ANO1: variants seen among roughly 807,000 people sequenced by gnomAD.
ANO1 encodes anoctamin-1.
In ANO1, 59 loss-of-function variants were observed where a neutral mutation model predicts 124.0. That is an observed-to-expected ratio of 0.48 (90% confidence interval 0.39 to 0.59). The LOEUF is 0.59. ANO1 is among the 20% of genes least tolerant of loss of function. The pLI is 0.00. For synonymous variants in ANO1, 529 were observed against 532.0 expected (o/e 0.99, Z 0.08); for missense variants, 1,059 against 1,328.0 (o/e 0.80, Z 3.15).
the ANO1 span, among the ~76,000 whole-genome samples, chr11:69,968,203 C>A: frequency 6.6e-6 from 1 of 152,160 alleles, no homozygotes; most frequent in Non-Finnish European, 1.5e-5. Flanking sequence ...ACGTCCTCTC[C>A]TGTAGTACAA....
At chr11:70,163,503 G>A in intron 19 of ANO1, 163 bp downstream of exon 19, 1 of 824,380 alleles carries the variant, frequency 1.2e-6, no homozygotes, top group Non-Finnish European at 2.0e-6. Context: ...ATGTGGTGGG[G>A]TGGGCTTTAA....
At chr11:70,025,749 ATGG>A (rs1212816139) in intron 1 of ANO1, among the ~76,000 whole-genome samples, 5 of 136,728 alleles carry the variant, frequency 3.7e-5, no homozygotes, top group Non-Finnish European at 6.3e-5. Flanking sequence ...GATGATGATG[ATGG>A]TGGTGGTGGT....
intron 1 of ANO1, among the ~76,000 whole-genome samples, chr11:70,042,569 G>A (rs979536797): frequency 6.6e-6 from 1 of 151,946 alleles, no homozygotes; most frequent in Non-Finnish European, 1.5e-5. Flanking sequence ...GAGAGAGAGA[G>A]AAATCTGCAG....
intron 3 of ANO1, among the ~76,000 whole-genome samples, chr11:70,103,640 G>A (rs1020379752): frequency 1.6e-4 from 25 of 152,216 alleles, no homozygotes; most frequent in Non-Finnish European, 2.8e-4. Flanking sequence ...AGCTTAGCTT[G>A]GAGTCGGTAT....
At chr11:69,975,310 T>C in the ANO1 span, among the ~76,000 whole-genome samples, 3 of 152,292 alleles carry the variant, frequency 2.0e-5, no homozygotes, top group South Asian at 6.2e-4. Flanking sequence ...ATCCCCCAGA[T>C]GGAAGGAGAG....
chr11:70,103,887 A>G (rs1249128905), intron 3 of ANO1, 112 bp from the exon 4 acceptor site: 1 of 1,225,358 alleles, frequency 8.2e-7, no homozygotes, highest in Non-Finnish European at 1.1e-6. Flanking sequence ...CTCTGCTCTC[A>G]GGACGCCCCG....
chr11:70,084,976 T>C (rs1295865659), intron 1 of ANO1, among the ~76,000 whole-genome samples: 1 of 152,084 alleles, frequency 6.6e-6, no homozygotes, highest in East Asian at 1.9e-4. Flanking sequence ...TAGGGTCAGC[T>C]TGTGGGGACT....
intron 11 of ANO1, among the ~76,000 whole-genome samples, chr11:70,144,646 C>T (rs1208991549): frequency 2.0e-5 from 3 of 152,266 alleles, no homozygotes; most frequent in African/African-American, 4.8e-5. Flanking sequence ...GCTTCTCGCT[C>T]GCTGCCACCC....
chr11:70,072,599 C>T (rs1555009469), intron 1 of ANO1: 1 of 152,306 alleles, frequency 6.6e-6, no homozygotes, highest in African/African-American at 2.4e-5. Context: ...GGATTCGCCC[C>T]AGAGTCAGAG....
intron 3 of ANO1, among the ~76,000 whole-genome samples, chr11:70,103,694 T>C (rs577579178): frequency 1.1e-4 from 17 of 152,298 alleles, no homozygotes; most frequent in African/African-American, 4.1e-4. Flanking sequence ...AGGTAGTAAA[T>C]CAGCCTCCTG....
chr11:70,180,109 G>A, intron 23 of ANO1, 53 bp downstream of exon 23: 2 of 1,540,082 alleles, frequency 1.3e-6, no homozygotes, highest in South Asian at 2.2e-5. Flanking sequence ...GAACTGCCAG[G>A]TGGCCGGGGC....
chr11:69,990,138 C>T (rs1175228546), intron 1 of ANO1, among the ~76,000 whole-genome samples: 2 of 152,114 alleles, frequency 1.3e-5, no homozygotes. Context: ...ACAGTCACTT[C>T]CCATTCCCCA....
chr11:70,047,462 T>G (rs1331165137), intron 1 of ANO1, among the ~76,000 whole-genome samples: 1 of 152,186 alleles, frequency 6.6e-6, no homozygotes, highest in African/African-American at 2.4e-5. Flanking sequence ...AGGCCAAAGC[T>G]CTCATAAACT....
At position 70,185,702 on chromosome 11, in the gene ANO1, T is replaced by C. The variant is rs373980428; in HGVS notation, c.2694+7T>C. The C allele has an allele frequency of 1.8e-5, 29 of 1,613,398 alleles. No homozygotes were observed. In the African/African-American group the frequency reaches 3.5e-4, roughly 19 times the overall value. On this transcript the variant is annotated splice_region_variant and intron_variant, in intron 25 of 25. Transcript: ENST00000355303. ...GTTTGTCATCGTCTTCCAGGTGCGG[T>C]GGGTCCCTCTTTGTTTCCGGTTTGA... is the stretch of plus-strand genomic sequence containing the variant.
At chr11:70,159,697 G>C (rs1021641630) in intron 16 of ANO1, among the ~76,000 whole-genome samples, 1 of 152,336 alleles carries the variant, frequency 6.6e-6, no homozygotes, top group South Asian at 2.1e-4. Context: ...GGCAGGGGAC[G>C]CGCCCGCTGG....
chr11:70,145,494 A>G (rs2047334467), intron 11 of ANO1, among the ~76,000 whole-genome samples: 1 of 152,200 alleles, frequency 6.6e-6, no homozygotes, highest in Admixed American at 6.5e-5. Flanking sequence ...AACAAGCCAC[A>G]TCTTTGTAAC....
At chr11:70,120,630 A>G (rs2046222032) in intron 8 of ANO1, among the ~76,000 whole-genome samples, 1 of 152,194 alleles carries the variant, frequency 6.6e-6, no homozygotes, top group African/African-American at 2.4e-5. Context: ...TGTTGGAGGC[A>G]TGGAGGGTGA....
At chr11:70,156,269 G>A (rs936605268) in intron 15 of ANO1, among the ~76,000 whole-genome samples, 11 of 152,108 alleles carry the variant, frequency 7.2e-5, no homozygotes, top group Admixed American at 5.9e-4. Flanking sequence ...TGGTCTCCTC[G>A]TTAACATGCA....
intron 1 of ANO1, among the ~76,000 whole-genome samples, chr11:70,043,993 T>G (rs1857219854): frequency 6.9e-6 from 1 of 144,304 alleles, no homozygotes; most frequent in Non-Finnish European, 1.5e-5. Flanking sequence ...AAATAATAAC[T>G]GTATTATAGC....
Sources: allele counts gnomAD v4.1 joint callset (sites outside exome capture counted in the v4.1 genomes callset), GRCh38; gene constraint gnomAD v4.1.1; transcripts MANE v1.5; gene names NCBI Gene and HGNC (gene_info 2026-07-23, HGNC 2026-07-21).